Variants in YPEL2 observed in about 807,000 individuals in gnomAD.
YPEL2 encodes the protein yippee like 2, also known as protein yippee-like 2.
Under a neutral mutation model 19.1 loss-of-function variants are expected in YPEL2, and 2 were observed. The ratio of observed to expected loss-of-function variants is 0.10; its 90% CI spans 0.04 to 0.33. The LOEUF (loss-of-function observed/expected upper bound fraction) is 0.33. Among genes scored for constraint, YPEL2 ranks in the 10% least tolerant of loss-of-function variants. The pLI, the probability that YPEL2 is intolerant of heterozygous loss-of-function variation, is 1.00. For missense variants in YPEL2, 66 were observed against 140.7 expected, an observed-to-expected ratio of 0.47 and a Z score of 2.68; for synonymous variants, 52 against 50.0, an observed-to-expected ratio of 1.04 and a Z score of -0.17.
chr17:59,396,851 T>G (rs1165091652), intron 4 of YPEL2, among the ~76,000 whole-genome samples: 1 of 152,134 alleles, frequency 6.6e-6, no homozygotes, highest in South Asian at 2.1e-4. Flanking sequence ...TCCAACATGG[T>G]GAAACCCCAT....
At chr17:59,335,650 G>A (rs1338141342) in intron 1 of YPEL2, among the ~76,000 whole-genome samples, 1 of 152,122 alleles carries the variant, frequency 6.6e-6, no homozygotes, top group Non-Finnish European at 1.5e-5. Context: ...CCTGATTCAA[G>A]TGATTCTCCT....
At chr17:59,379,139 G>C (rs2047936477) in intron 2 of YPEL2, among the ~76,000 whole-genome samples, 1 of 152,152 alleles carries the variant, frequency 6.6e-6, no homozygotes, top group African/African-American at 2.4e-5. Flanking sequence ...TTTCCTCTTA[G>C]CTAAATGTTC....
At chr17:59,378,440 G>A (rs2047933172) in intron 2 of YPEL2, among the ~76,000 whole-genome samples, 1 of 151,542 alleles carries the variant, frequency 6.6e-6, no homozygotes, top group African/African-American at 2.4e-5. Flanking sequence ...CACCTCCCAG[G>A]TTCAAGCAGT....
In YPEL2 at chr17:59,389,486, T is replaced by G; in HGVS notation, c.270+18T>G. The G allele has an allele frequency of 6.2e-7, 1 of 1,602,820 alleles. No homozygotes were observed. Among genetic ancestry groups the G allele is most frequent in the Non-Finnish European group, 8.5e-7 (1 of 1,172,256 alleles). On this transcript the variant is annotated intron_variant, in intron 4 of 4. Coordinates refer to ENST00000312655, the MANE Select transcript of YPEL2 (RefSeq NM_001005404.4). ...GGAAATACGTAAGTATAAAGGAGTTTGGTTGGTAGAGGGCTGGAAGGGAAT... is the reference window on the plus strand; with the variant it reads ...GGAAATACGTAAGTATAAAGGAGTTGGGTTGGTAGAGGGCTGGAAGGGAAT...
chr17:59,370,148 C>T (rs1038456545), intron 2 of YPEL2, among the ~76,000 whole-genome samples: 8 of 152,216 alleles, frequency 5.3e-5, no homozygotes, highest in Non-Finnish European at 1.2e-4. Flanking sequence ...GCTCTGCCTC[C>T]TGGGTTCACG....
At chr17:59,380,607 G>A (rs776913159) in intron 2 of YPEL2, among the ~76,000 whole-genome samples, 183 of 152,204 alleles carry the variant, frequency 1.2e-3, no homozygotes, top group Non-Finnish European at 2.1e-3. Context: ...GTGAGTGAGA[G>A]CTATTTTATT....
chr17:59,384,981 A>G (rs1034304285), intron 2 of YPEL2, among the ~76,000 whole-genome samples: 2 of 152,208 alleles, frequency 1.3e-5, no homozygotes. Context: ...GTCTTAGCAA[A>G]TGTTTCTTAG....
intron 1 of YPEL2, among the ~76,000 whole-genome samples, chr17:59,346,037 T>C (rs2047754297): frequency 1.3e-5 from 2 of 152,342 alleles, no homozygotes; most frequent in South Asian, 4.1e-4. Flanking sequence ...CAGGTCTCTC[T>C]GTGCTCTCTG....
intron 2 of YPEL2, among the ~76,000 whole-genome samples, chr17:59,371,287 C>A (rs1267074143): frequency 6.6e-6 from 1 of 152,140 alleles, no homozygotes; most frequent in Non-Finnish European, 1.5e-5. Context: ...CTGAGCAGAC[C>A]CCTTTGTCTG....
chr17:59,357,125 A>ATG (rs2047816850), intron 2 of YPEL2, among the ~76,000 whole-genome samples: 2 of 152,060 alleles, frequency 1.3e-5, no homozygotes, highest in South Asian at 4.2e-4. Context: ...GAGATCATGG[A>ATG]TGTGTGGGTG....
rs543523971 is a variant in YPEL2, at chr17:59,378,423, C to T, written c.118-9904C>T. Reference sequence around the variant, plus strand: ...GCAGTGGCGTGATCTCAGCTCACTGCAACCTCCACCTCCCAGGTTCAAGCA... The same window carrying T: ...GCAGTGGCGTGATCTCAGCTCACTGTAACCTCCACCTCCCAGGTTCAAGCA... On this transcript the variant is annotated intron_variant, in intron 2 of 4. Coordinates refer to ENST00000312655, the MANE Select transcript of YPEL2 (RefSeq NM_001005404.4). Among the ~76,000 whole-genome samples the T allele has an allele frequency of 5.3e-5, 8 of 151,486 alleles. No individual in the cohort carries two copies. In the South Asian group the frequency reaches 1.7e-3, roughly 32 times the overall value.
intron 2 of YPEL2, among the ~76,000 whole-genome samples, chr17:59,372,757 TG>T (rs1409219880): frequency 1.3e-5 from 2 of 152,266 alleles, no homozygotes; most frequent in African/African-American, 4.8e-5. Flanking sequence ...GGACTGACTC[TG>T]TCCCCATCCA....
chr17:59,395,836 T>C (rs1238167891), intron 4 of YPEL2, among the ~76,000 whole-genome samples: 1 of 152,098 alleles, frequency 6.6e-6, no homozygotes, highest in Non-Finnish European at 1.5e-5. Context: ...CCCAGCACTT[T>C]GGGAGGCCTA....
rs370346178 is a variant in YPEL2, at chr17:59,397,228, G to A, written c.*38G>A. 109 of 1,483,966 alleles carry A rather than the reference G, an allele frequency of 7.3e-5. No individual in the cohort carries two copies. The highest frequency in any genetic ancestry group is 8.5e-5 in the Non-Finnish European group (93 of 1,091,704). The allele number at this position is 1,483,966 out of a possible 1,614,324, so 91.9% of individuals were successfully genotyped here. Reference sequence around the variant, plus strand: ...TACCCAACCCAGTGTCCACGTGAACGCCATTCAACCGAACATTCTTCCCAA... The same window carrying A: ...TACCCAACCCAGTGTCCACGTGAACACCATTCAACCGAACATTCTTCCCAA... On this transcript the variant is annotated 3_prime_UTR_variant, in exon 5 of 5. Coordinates refer to ENST00000312655, the MANE Select transcript of YPEL2 (RefSeq NM_001005404.4).
intron 1 of YPEL2, among the ~76,000 whole-genome samples, chr17:59,347,287 C>T (rs549222137): frequency 5.3e-5 from 8 of 152,208 alleles, no homozygotes; most frequent in African/African-American, 1.4e-4. Flanking sequence ...GAAACTAGTT[C>T]CAGGTCCTTT....
At chr17:59,373,940 T>A (rs2047908525) in intron 2 of YPEL2, among the ~76,000 whole-genome samples, 2 of 152,222 alleles carry the variant, frequency 1.3e-5, no homozygotes, top group African/African-American at 4.8e-5. Context: ...AAAGACTTGC[T>A]TTTTACGCAG....
intron 3 of YPEL2, chr17:59,388,963 C>G (rs964171077): frequency 4.1e-6 from 1 of 245,468 alleles, no homozygotes; most frequent in Non-Finnish European, 8.0e-6. Context: ...CAGGACCACA[C>G]TGTGCTATCA....
rs980434715 is a variant in YPEL2, at chr17:59,399,111, A to G, written c.*1921A>G. 6.6e-6 allele frequency: 1 copy of G among 152,586 alleles called. No homozygotes were observed. Among genetic ancestry groups the G allele is most frequent in the Non-Finnish European group, 1.5e-5 (1 of 68,030 alleles). The allele number at this position is 152,586 out of a possible 1,614,324, so 9.5% of individuals were successfully genotyped here. A position where few individuals can be genotyped will look rare whatever the true frequency, so the allele number is the denominator to read the frequency against. ...CAAGGTAGACTGAAGTTCAGAAGAA[A>G]TACTGAATTTCTGCTCCCAGAAGAA... On this transcript the variant is annotated 3_prime_UTR_variant, in exon 5 of 5. Transcript: ENST00000312655.
intron 2 of YPEL2, among the ~76,000 whole-genome samples, chr17:59,371,195 G>A (rs570782238): frequency 1.3e-5 from 2 of 152,148 alleles, no homozygotes; most frequent in Non-Finnish European, 2.9e-5. Flanking sequence ...GTGCCCTTTC[G>A]GCTTAGCTTT....
Sources: gnomAD v4.1 joint callset for allele counts (sites outside exome capture counted in the v4.1 genomes callset) on GRCh38, gnomAD v4.1.1 for gene constraint, MANE v1.5 for transcripts, NCBI Gene and HGNC (gene_info 2026-07-23, HGNC 2026-07-21) for gene names.